LRMDA: variants seen among roughly 807,000 people sequenced by gnomAD.
LRMDA encodes the protein leucine rich melanocyte differentiation associated, also known as leucine-rich melanocyte differentiation-associated protein.
LRMDA carries 18 observed loss-of-function variants against 29.8 expected under a neutral mutation model. That is an observed-to-expected ratio of 0.60 (90% confidence interval 0.42 to 0.90). The LOEUF (loss-of-function observed/expected upper bound fraction) is 0.90. LRMDA is among the 40% of genes least tolerant of loss of function. The pLI is 0.00. For synonymous variants in LRMDA, 125 were observed against 109.4 expected, an observed-to-expected ratio of 1.14 and a Z score of -0.89; for missense variants, 273 against 273.9, an observed-to-expected ratio of 1.00 and a Z score of 0.02.
intron 5 of LRMDA, among the ~76,000 whole-genome samples, chr10:76,212,055 C>T (rs746902343): frequency 2.6e-5 from 4 of 152,146 alleles, no homozygotes; most frequent in Non-Finnish European, 5.9e-5. Flanking sequence ...GGTTCAGCAA[C>T]AAGACTCTCA....
At chr10:75,761,614 T>C (rs1179860437) in intron 2 of LRMDA, among the ~76,000 whole-genome samples, 1 of 152,092 alleles carries the variant, frequency 6.6e-6, no homozygotes, top group Non-Finnish European at 1.5e-5. Context: ...TGGATAATAG[T>C]GATAGTTGTA....
chr10:75,821,726 G>A (rs1844162922), intron 2 of LRMDA, among the ~76,000 whole-genome samples: 1 of 152,078 alleles, frequency 6.6e-6, no homozygotes, highest in Admixed American at 6.5e-5. Flanking sequence ...CCGAGATCAC[G>A]CCACTGCACT....
At chr10:76,015,671 T>C (rs1188591826) in intron 2 of LRMDA, among the ~76,000 whole-genome samples, 1 of 152,152 alleles carries the variant, frequency 6.6e-6, no homozygotes, top group Non-Finnish European at 1.5e-5. Context: ...GAGGGAGGGA[T>C]CACTGGGAGT....
intron 2 of LRMDA, among the ~76,000 whole-genome samples, chr10:75,915,041 A>G (rs931308552): frequency 6.6e-6 from 1 of 151,956 alleles, no homozygotes; most frequent in Non-Finnish European, 1.5e-5. Flanking sequence ...ATGACTGACT[A>G]CAAATACTAT....
rs562623052 is a variant in LRMDA at position 76,068,385 on chromosome 10, G to T, written c.516+9602G>T. On this transcript the variant is annotated intron_variant, in intron 5 of 6. Transcript: ENST00000611255. ...AGTCACCAACGTTTCTGGCACCAGG[G>T]ACTAGTTTTTTGGAAGACAATTATT... is the stretch of plus-strand genomic sequence containing the variant. Among the ~76,000 whole-genome samples the T allele has an allele frequency of 1.7e-3, 259 of 152,276 alleles. 1 individual carries two copies. The highest frequency in any genetic ancestry group is 6.0e-3 in the African/African-American group (250 of 41,558).
intron 2 of LRMDA, among the ~76,000 whole-genome samples, chr10:75,902,296 G>A (rs903325700): frequency 5.3e-5 from 8 of 152,180 alleles, no homozygotes; most frequent in Non-Finnish European, 5.9e-5. Flanking sequence ...TGAATTTTGG[G>A]TTCCGGGTAA....
chr10:75,499,356 G>T (rs1390688692), intron 2 of LRMDA, among the ~76,000 whole-genome samples: 3 of 152,188 alleles, frequency 2.0e-5, no homozygotes, highest in African/African-American at 7.2e-5. Flanking sequence ...GGAACAATAT[G>T]TGGACTAGTG....
intron 2 of LRMDA, among the ~76,000 whole-genome samples, chr10:75,856,868 A>G (rs528261018): frequency 3.9e-5 from 6 of 152,306 alleles, no homozygotes; most frequent in African/African-American, 1.4e-4. Context: ...AGGGTATTCA[A>G]TTAGGAAAAG....
intron 2 of LRMDA, among the ~76,000 whole-genome samples, chr10:75,627,432 A>G (rs760448179): frequency 3.3e-5 from 5 of 152,338 alleles, no homozygotes; most frequent in East Asian, 3.9e-4. Context: ...AGAAAAGATC[A>G]TAGGTCTTTA....
chr10:76,034,431 C>T (rs1288371284), intron 2 of LRMDA, among the ~76,000 whole-genome samples: 1 of 152,116 alleles, frequency 6.6e-6, no homozygotes, highest in Non-Finnish European at 1.5e-5. Context: ...TGTCCCCCCT[C>T]GGTGGGGCTG....
intron 2 of LRMDA, among the ~76,000 whole-genome samples, chr10:75,518,249 A>G (rs550099954): frequency 6.6e-6 from 1 of 152,074 alleles, no homozygotes; most frequent in Admixed American, 6.6e-5. Context: ...CTCTTTTTCT[A>G]CTGATTGGAA....
At chr10:75,846,462 A>G (rs1301139524) in intron 2 of LRMDA, among the ~76,000 whole-genome samples, 1 of 152,192 alleles carries the variant, frequency 6.6e-6, no homozygotes, top group Non-Finnish European at 1.5e-5. Context: ...GGCTTGAGGC[A>G]GAAAAGGGAT....
intron 2 of LRMDA, among the ~76,000 whole-genome samples, chr10:75,655,230 C>G (rs947830998): frequency 6.6e-6 from 1 of 152,216 alleles, no homozygotes; most frequent in African/African-American, 2.4e-5. Flanking sequence ...AGCACTTTGA[C>G]AGTCTGAAAT....
chr10:75,741,270 AG>A (rs1436936135), intron 2 of LRMDA, among the ~76,000 whole-genome samples: 1 of 152,188 alleles, frequency 6.6e-6, no homozygotes, highest in Non-Finnish European at 1.5e-5. Context: ...TTTTGGCTGT[AG>A]GACTGAGGTC....
intron 5 of LRMDA, among the ~76,000 whole-genome samples, chr10:76,116,776 G>C (rs773344267): frequency 6.6e-6 from 1 of 152,020 alleles, no homozygotes. Flanking sequence ...TACATTAAAG[G>C]GAAACTGGTT....
At chr10:75,716,793 C>T (rs578202318) in intron 2 of LRMDA, among the ~76,000 whole-genome samples, 1 of 152,196 alleles carries the variant, frequency 6.6e-6, no homozygotes, top group South Asian at 2.1e-4. Flanking sequence ...TGAGTGACTC[C>T]GTTTATAATA....
intron 5 of LRMDA, among the ~76,000 whole-genome samples, chr10:76,207,685 C>G (rs139442374): frequency 1.3e-5 from 2 of 152,060 alleles, no homozygotes; most frequent in Non-Finnish European, 2.9e-5. Context: ...CACTGGTGGT[C>G]GGGTGTGGTG....
At chr10:76,188,973 T>C (rs1851198283) in intron 5 of LRMDA, among the ~76,000 whole-genome samples, 1 of 143,036 alleles carries the variant, frequency 7.0e-6, no homozygotes. Flanking sequence ...CACACACAGT[T>C]CTGTTTATTA....
At position 76,207,228 on chromosome 10, in the gene LRMDA, T is replaced by G. The variant is rs115435812; in HGVS notation, c.517-117173T>G. Among the ~76,000 whole-genome samples the G allele has an allele frequency of 7.5e-3, 1,146 of 152,312 alleles. 24 individuals are homozygous for G. Among genetic ancestry groups the G allele is most frequent in the African/African-American group, 0.026 (1,090 of 41,566 alleles). ...ACTTGCTCTGAACAGTGAGCTGTTT[T>G]AGATACACTTTACCAGGGGGAAGAG... On this transcript the variant is annotated intron_variant, in intron 5 of 6. Transcript: ENST00000611255.
Sources: gnomAD v4.1 joint callset for allele counts (sites outside exome capture counted in the v4.1 genomes callset) on GRCh38, gnomAD v4.1.1 for gene constraint, MANE v1.5 for transcripts, NCBI Gene and HGNC (gene_info 2026-07-23, HGNC 2026-07-21) for gene names.